The following PTCD3 variants were observed in gnomAD, a reference collection of about 807,000 sequenced individuals.
PTCD3 encodes the protein small ribosomal subunit protein mS39.
Under a neutral mutation model 101.9 loss-of-function variants are expected in PTCD3, and 89 were observed. The ratio of observed to expected loss-of-function variants is 0.87; its 90% CI spans 0.74 to 1.04. PTCD3 has a LOEUF of 1.04. Ranked by LOEUF, PTCD3 falls within the 50% of genes least tolerant of loss-of-function variation. The pLI, the probability that PTCD3 is intolerant of heterozygous loss-of-function variation, is 0.00. For missense variants in PTCD3, 870 were observed against 828.2 expected (o/e 1.05, Z -0.62); for synonymous variants, 296 against 278.5 (o/e 1.06, Z -0.63).
chr2:86,115,894 G>A (rs984963431), intron 4 of PTCD3, among the ~76,000 whole-genome samples: 1 of 152,150 alleles, frequency 6.6e-6, no homozygotes, highest in African/African-American at 2.4e-5. Context: ...GAGCGTGGGT[G>A]GATAGTGACC....
In PTCD3 at chr2:86,138,050, C is replaced by T. The variant is rs550319502; in HGVS notation, c.*491C>T. 2.5e-5 allele frequency: 4 copies of T among 159,028 alleles called. No homozygotes were observed. Among genetic ancestry groups the T allele is most frequent in the Admixed American group, 1.2e-4 (2 of 16,714 alleles). 9.9% of individuals were successfully genotyped at this position (159,028 alleles called of 1,614,324 possible). A position where few individuals can be genotyped will look rare whatever the true frequency, so the allele number is the denominator to read the frequency against. On this transcript the variant is annotated 3_prime_UTR_variant, in exon 24 of 24. Transcript: ENST00000254630. The stretch of plus-strand genomic sequence containing the variant: ...CAGGATATTTCGATGTCAGAAATAA[C>T]GCATCTTAGGAATGACTAAACAAGA...
At chr2:86,136,734 CG>C in intron 22 of PTCD3, 172 bp downstream of exon 22, 1 of 807,576 alleles carries the variant, frequency 1.2e-6, no homozygotes, top group Non-Finnish European at 2.0e-6. Context: ...TCTGTGTTGA[CG>C]GATCATCATA....
chr2:86,136,570 G>C lies in PTCD3; in HGVS notation c.1820+8G>C, dbSNP rs1674587974. ...GCATAATAAGATTCCTAGGTAAGTT[G>C]AAATCAGCCAGCTCTCTTTGGGTAC... On this transcript the variant is annotated splice_region_variant and intron_variant, in intron 22 of 23. Transcript: ENST00000254630. 2.5e-6 allele frequency: 4 copies of C among 1,610,858 alleles called. No individual in the cohort carries two copies. Among genetic ancestry groups the C allele is most frequent in the Admixed American group, 1.7e-5 (1 of 59,990 alleles).
At chr2:86,120,823 AG>A (rs1440426939) in intron 7 of PTCD3, among the ~76,000 whole-genome samples, 1 of 152,208 alleles carries the variant, frequency 6.6e-6, no homozygotes, top group Non-Finnish European at 1.5e-5. Flanking sequence ...TGAGCCCAGA[AG>A]TTCAAGGTTG....
In PTCD3 at chr2:86,141,784, T is replaced by A. The variant is rs901277594; in HGVS notation, c.*4225T>A. On this transcript the variant is annotated 3_prime_UTR_variant, in exon 24 of 24. Coordinates refer to ENST00000254630, the MANE Select transcript of PTCD3 (RefSeq NM_017952.6). ...TTTTGCTGTGGAAATGGCAGTCGTG[T>A]GACTTTTCACTTGCAGTTTAAATGA... 1.3e-5 allele frequency: 2 copies of A among 152,210 alleles called. No homozygotes were observed. Among genetic ancestry groups the A allele is most frequent in the Non-Finnish European group, 2.9e-5 (2 of 68,046 alleles). The allele number at this position is 152,210 out of a possible 1,614,324, so 9.4% of individuals were successfully genotyped here.
chr2:86,132,175 C>A (rs535827109), intron 16 of PTCD3, 143 bp from the exon 17 acceptor site: 1 of 545,524 alleles, frequency 1.8e-6, no homozygotes, highest in Non-Finnish European at 3.2e-6. Flanking sequence ...TGTCTCCCCC[C>A]CATTTCTTAT....
intron 8 of PTCD3, among the ~76,000 whole-genome samples, chr2:86,123,031 G>A (rs1212174794): frequency 6.6e-6 from 1 of 152,184 alleles, no homozygotes; most frequent in African/African-American, 2.4e-5. Context: ...AGGCCGAGGC[G>A]GGTGGATCAT....
chr2:86,134,785 C>G, intron 20 of PTCD3, 54 bp from the exon 21 acceptor site: 2 of 1,597,980 alleles, frequency 1.3e-6, no homozygotes, highest in Non-Finnish European at 1.7e-6. Context: ...GTCTCCTGAA[C>G]TGAAATTCTC....
chr2:86,116,114 GTCTTTTT>G (rs1486461026), intron 4 of PTCD3, among the ~76,000 whole-genome samples: 1 of 152,156 alleles, frequency 6.6e-6, no homozygotes, highest in Admixed American at 6.5e-5. Flanking sequence ...TTTGTCTTTT[GTCTTTTT>G]TCTCTATATA....
chr2:86,136,774 T>G, intron 22 of PTCD3: 1 of 805,168 alleles, frequency 1.2e-6, no homozygotes, highest in African/African-American at 1.7e-5. Context: ...TAGATCATCA[T>G]GAAGTCATAC....
In PTCD3 at chr2:86,132,290, G is replaced by C. The variant is rs200676505; in HGVS notation, c.1267-28G>C. 8.0e-6 allele frequency: 11 copies of C among 1,380,664 alleles called. No homozygotes were observed. The East Asian group carries it at 1.4e-4, about 17-fold the overall frequency. 85.5% of individuals were successfully genotyped at this position (1,380,664 alleles called of 1,614,324 possible). A position where few individuals can be genotyped will look rare whatever the true frequency, so the allele number is the denominator to read the frequency against. The stretch of plus-strand genomic sequence containing the variant: ...AACCACTGGCTGACAGGGTATCAGA[G>C]TGATACTTACTACTTGCATATTTTC... On this transcript the variant is annotated intron_variant, in intron 16 of 23. Coordinates refer to ENST00000254630, the MANE Select transcript of PTCD3 (RefSeq NM_017952.6).
At chr2:86,128,758 G>C (rs1674442811) in intron 14 of PTCD3, among the ~76,000 whole-genome samples, 1 of 152,194 alleles carries the variant, frequency 6.6e-6, no homozygotes, top group African/African-American at 2.4e-5. Flanking sequence ...ACACACCTGA[G>C]CTGAGATGTC....
Position 86,138,092 on chromosome 2 carries a change from T to G in PTCD3, c.*533T>G, listed in dbSNP as rs1674626020. Reference sequence around the variant, plus strand: ...TAAACAAGATAATGGCAGTTTAGGCTGCACAACTGGTAAAATGACTGTAGA... The same window carrying G: ...TAAACAAGATAATGGCAGTTTAGGCGGCACAACTGGTAAAATGACTGTAGA... On this transcript the variant is annotated 3_prime_UTR_variant, in exon 24 of 24. Coordinates refer to ENST00000254630, the MANE Select transcript of PTCD3 (RefSeq NM_017952.6). 1.3e-5 allele frequency: 2 copies of G among 155,324 alleles called. No homozygotes were observed. The highest frequency in any genetic ancestry group is 4.8e-5 in the African/African-American group (2 of 41,516). 9.6% of individuals were successfully genotyped at this position (155,324 alleles called of 1,614,324 possible).
At chr2:86,135,869 C>T (rs777198987) in intron 21 of PTCD3, 6 of 513,606 alleles carry the variant, frequency 1.2e-5, no homozygotes, top group African/African-American at 3.9e-5. Context: ...CTTGATACAA[C>T]CAGGCTGTGA....
Position 86,117,177 on chromosome 2 carries a change from C to T in PTCD3, c.414+18C>T, listed in dbSNP as rs760668708. ...ATATACCGGTAAGGAGAGGTAGTTACATTATTTACATAATACTATTTTAAA... is the reference window on the plus strand; with the variant it reads ...ATATACCGGTAAGGAGAGGTAGTTATATTATTTACATAATACTATTTTAAA... On this transcript the variant is annotated intron_variant, in intron 6 of 23. Coordinates refer to ENST00000254630, the MANE Select transcript of PTCD3 (RefSeq NM_017952.6). 5.8e-6 allele frequency: 5 copies of T among 865,250 alleles called. No homozygotes were observed. In the East Asian group the frequency reaches 9.7e-5, roughly 17 times the overall value. The allele number at this position is 865,250 out of a possible 1,614,324, so 53.6% of individuals were successfully genotyped here. A position where few individuals can be genotyped will look rare whatever the true frequency, so the allele number is the denominator to read the frequency against.
intron 1 of PTCD3, among the ~76,000 whole-genome samples, chr2:86,107,448 T>G (rs1673980037): frequency 6.6e-6 from 1 of 152,220 alleles, no homozygotes; most frequent in South Asian, 2.1e-4. Context: ...TATCTGTCTG[T>G]GCAATCACAT....
rs1290571390 is a variant in PTCD3, at chr2:86,138,540, C to G, written c.*981C>G. On this transcript the variant is annotated 3_prime_UTR_variant, in exon 24 of 24. Transcript: ENST00000254630. Reference sequence around the variant, plus strand: ...CCAGAGTTGACAATTATGGGATACTCTAGTCTACTTATACTTGTGTTCCCA... The same window carrying G: ...CCAGAGTTGACAATTATGGGATACTGTAGTCTACTTATACTTGTGTTCCCA... 2 of 152,168 alleles carry G rather than the reference C, an allele frequency of 1.3e-5. No individual in the cohort carries two copies. Among genetic ancestry groups the G allele is most frequent in the African/African-American group, 2.4e-5 (1 of 41,426 alleles). The allele number at this position is 152,168 out of a possible 1,614,324, so 9.4% of individuals were successfully genotyped here. A position where few individuals can be genotyped will look rare whatever the true frequency, so the allele number is the denominator to read the frequency against.
In PTCD3 at chr2:86,133,382, C is replaced by T. The variant is rs1436854085; in HGVS notation, c.1489C>T (p.Leu497Phe). ...CCACTCCCAAACAATGATACATCTT[C>T]TCCAAGCATTGGATGTGGCCAATCG... ...FPHSQTMIHL[L>F]QALDVANRLE... The change falls in exon 19 of 24, where the codon CTC becomes TTC. Residue 497 changes from leucine to phenylalanine, a missense_variant. Physicochemically the swap from Leu to Phe is conservative, Grantham distance 22. Transcript: ENST00000254630. 4 of 1,614,070 alleles carry T rather than the reference C, an allele frequency of 2.5e-6. No homozygotes were observed. In the African/African-American group the frequency reaches 4.0e-5, roughly 16 times the overall value.
chr2:86,108,605 G>A, intron 3 of PTCD3, 69 bp downstream of exon 3: 1 of 1,403,330 alleles, frequency 7.1e-7, no homozygotes, highest in Non-Finnish European at 9.7e-7. Context: ...GTAAGGGTTA[G>A]GTAAGGAGAC....
Sources: allele counts gnomAD v4.1 joint callset (sites outside exome capture counted in the v4.1 genomes callset), GRCh38; gene constraint gnomAD v4.1.1; transcripts MANE v1.5; gene names NCBI Gene and HGNC (gene_info 2026-07-23, HGNC 2026-07-21).